Variants in PI4K2B observed in about 807,000 individuals in gnomAD.
The protein encoded by PI4K2B is phosphatidylinositol 4-kinase type 2 beta, also known as phosphatidylinositol 4-kinase type 2-beta.
Under a neutral mutation model 56.6 loss-of-function variants are expected in PI4K2B, and 46 were observed. The ratio of observed to expected loss-of-function variants is 0.81; its 90% CI spans 0.64 to 1.04. The LOEUF (loss-of-function observed/expected upper bound fraction) is 1.04, where lower values mean the gene tolerates loss of function less well. Ranked by LOEUF, PI4K2B falls within the 50% of genes least tolerant of loss-of-function variation. The pLI is 0.00. For synonymous variants in PI4K2B, 211 were observed against 223.8 expected, an observed-to-expected ratio of 0.94 and a Z score of 0.51; for missense variants, 556 against 607.7, an observed-to-expected ratio of 0.91 and a Z score of 0.89.
intron 9 of PI4K2B, among the ~76,000 whole-genome samples, chr4:25,271,135 G>A (rs972624821): frequency 2.0e-5 from 3 of 152,214 alleles, no homozygotes; most frequent in African/African-American, 7.2e-5. Context: ...TCACATTTAT[G>A]CAGTGCTTAA....
At chr4:25,275,994 A>G (rs1317342148) in intron 9 of PI4K2B, among the ~76,000 whole-genome samples, 1 of 152,194 alleles carries the variant, frequency 6.6e-6, no homozygotes, top group Admixed American at 6.5e-5. Flanking sequence ...TATACTATTT[A>G]AAGTATTATG....
intron 7 of PI4K2B, among the ~76,000 whole-genome samples, chr4:25,265,920 A>G (rs1049308001): frequency 6.6e-5 from 10 of 152,286 alleles, no homozygotes; most frequent in Admixed American, 6.5e-4. Flanking sequence ...GAGGAAATTA[A>G]TGATCACTGT....
At chr4:25,252,044 T>C (rs1716078013) in intron 1 of PI4K2B, among the ~76,000 whole-genome samples, 1 of 152,132 alleles carries the variant, frequency 6.6e-6, no homozygotes, top group African/African-American at 2.4e-5. Context: ...AGGCTGGTCT[T>C]GAACTCTCCT....
intron 7 of PI4K2B, among the ~76,000 whole-genome samples, chr4:25,265,230 CATG>C (rs1463137832): frequency 1.7e-5 from 2 of 117,146 alleles, no homozygotes; most frequent in East Asian, 2.6e-4. Flanking sequence ...AATTTGTATC[CATG>C]ATATGTCTCT....
chr4:25,254,188 G>T, intron 2 of PI4K2B, among the ~76,000 whole-genome samples: 1 of 152,196 alleles, frequency 6.6e-6, no homozygotes, highest in East Asian at 1.9e-4. Context: ...TTTGTCATTG[G>T]ATTAGTTAAT....
At chr4:25,234,520 C>T (rs1009459545) in intron 1 of PI4K2B, 89 bp downstream of exon 1, 9 of 942,082 alleles carry the variant, frequency 9.6e-6, no homozygotes, top group South Asian at 1.0e-4. Context: ...GCGCGCTGGC[C>T]GAGGTGGACG....
Position 25,260,520 on chromosome 4 carries a change from A to T in PI4K2B, c.911-4A>T. ...GTAACAGATTTTCTTGTTTGTTTTG[A>T]AAGACAGGGGCAATGATAATTGGTT... On this transcript the variant is annotated splice_region_variant and splice_polypyrimidine_tract_variant and intron_variant, in intron 5 of 9. Transcript: ENST00000264864. 1 of 1,391,820 alleles carries T rather than the reference A, an allele frequency of 7.2e-7. No individual in the cohort carries two copies. The highest frequency in any genetic ancestry group is 1.5e-5 in the South Asian group (1 of 64,662). The allele number at this position is 1,391,820 out of a possible 1,614,324, so 86.2% of individuals were successfully genotyped here. A position where few individuals can be genotyped will look rare whatever the true frequency, so the allele number is the denominator to read the frequency against.
intron 9 of PI4K2B, among the ~76,000 whole-genome samples, chr4:25,272,619 A>T (rs748819797): frequency 1.3e-5 from 2 of 152,184 alleles, no homozygotes; most frequent in Non-Finnish European, 2.9e-5. Context: ...GTACACTGTG[A>T]TGACACCTGT....
intron 9 of PI4K2B, chr4:25,276,309 T>G (rs1020751226): frequency 1.4e-5 from 5 of 369,892 alleles, no homozygotes; most frequent in African/African-American, 1.1e-4. Context: ...GAACATGATA[T>G]GTAATATATT....
At chr4:25,276,638 A>G (rs1341618072) in intron 9 of PI4K2B, 5 of 983,590 alleles carry the variant, frequency 5.1e-6, no homozygotes, top group Non-Finnish European at 6.0e-6. Flanking sequence ...TTTAGTTAAA[A>G]CCAGACTGTT....
intron 2 of PI4K2B, among the ~76,000 whole-genome samples, chr4:25,253,176 G>T (rs563509193): frequency 6.6e-6 from 1 of 151,990 alleles, no homozygotes; most frequent in African/African-American, 2.4e-5. Flanking sequence ...TTTTTCAAAG[G>T]TATGTGAATA....
chr4:25,234,473 G>T (rs564460262), intron 1 of PI4K2B, 42 bp downstream of exon 1: 2 of 1,231,280 alleles, frequency 1.6e-6, no homozygotes, highest in Non-Finnish European at 2.0e-6. Flanking sequence ...CCCTCCGGGC[G>T]GCTGCCCCTG....
In PI4K2B at chr4:25,234,221, G is replaced by A. The variant is rs1234613876; in HGVS notation, c.58G>A (p.Glu20Lys). The A allele has an allele frequency of 2.6e-5, 37 of 1,422,920 alleles. No individual in the cohort carries two copies. The highest frequency in any genetic ancestry group is 3.4e-5 in the Non-Finnish European group (37 of 1,087,732). The allele number at this position is 1,422,920 out of a possible 1,614,324, so 88.1% of individuals were successfully genotyped here. ...GTCCGCGGACGGCGGGAGCCCGGAG[G>A]AGGAGGAGGATGGGGAGCGGGAGCC... is the stretch of plus-strand genomic sequence containing the variant. ...LASADGGSPE[E>K]EEDGEREPLL... Residue 20 changes from glutamate (E) to lysine (K), a missense_variant, in exon 1 of 10, where the codon GAG becomes AAG. Physicochemically the swap from Glu to Lys is moderately conservative, Grantham distance 56. Coordinates refer to ENST00000264864, the MANE Select transcript of PI4K2B (RefSeq NM_018323.4).
intron 2 of PI4K2B, among the ~76,000 whole-genome samples, chr4:25,253,912 C>T (rs907015281): frequency 2.0e-5 from 3 of 152,178 alleles, no homozygotes; most frequent in East Asian, 3.9e-4. Context: ...GCCGGGATTA[C>T]AGGCGCTCGC....
At chr4:25,253,658 G>A (rs1050224549) in intron 2 of PI4K2B, among the ~76,000 whole-genome samples, 1 of 152,128 alleles carries the variant, frequency 6.6e-6, no homozygotes, top group East Asian at 1.9e-4. Flanking sequence ...ATTTGTTCTT[G>A]TCTAAGGATA....
At chr4:25,249,292 C>T (rs1261350680) in intron 1 of PI4K2B, among the ~76,000 whole-genome samples, 1 of 152,166 alleles carries the variant, frequency 6.6e-6, no homozygotes. Flanking sequence ...AAACCGCCAT[C>T]GTCATCATGG....
chr4:25,243,476 C>T (rs1715624398), intron 1 of PI4K2B, among the ~76,000 whole-genome samples: 1 of 152,224 alleles, frequency 6.6e-6, no homozygotes, highest in Non-Finnish European at 1.5e-5. Flanking sequence ...ATGACTAAGG[C>T]TGCGGCCTTT....
Position 25,267,288 on chromosome 4 carries a change from A to G in PI4K2B, c.1079-1155A>G, listed in dbSNP as rs58082313. ...GGGCCTTTCTTCTATGAAATTATTCAGGGAAAACTAAAAAGAAAATTGGAC... is the reference window on the plus strand; with the variant it reads ...GGGCCTTTCTTCTATGAAATTATTCGGGGAAAACTAAAAAGAAAATTGGAC... On this transcript the variant is annotated intron_variant, in intron 7 of 9. Coordinates refer to ENST00000264864, the MANE Select transcript of PI4K2B (RefSeq NM_018323.4). 7.5e-3 allele frequency among the ~76,000 whole-genome samples: 1,141 copies of G among 152,364 alleles called. 10 individuals are homozygous for G. Among genetic ancestry groups the G allele is most frequent in the African/African-American group, 0.026 (1,071 of 41,580 alleles).
intron 1 of PI4K2B, among the ~76,000 whole-genome samples, chr4:25,235,999 AAACAAC>A (rs149636388): frequency 1.2e-3 from 178 of 151,486 alleles, no homozygotes; most frequent in African/African-American, 4.1e-3. Context: ...TATAAAAAAT[AAACAAC>A]AACAACAACA....
Sources: gnomAD v4.1 joint callset for allele counts (sites outside exome capture counted in the v4.1 genomes callset) on GRCh38, gnomAD v4.1.1 for gene constraint, MANE v1.5 for transcripts, NCBI Gene and HGNC (gene_info 2026-07-23, HGNC 2026-07-21) for gene names.